PPP2R2B: variants seen among roughly 807,000 people sequenced by gnomAD.
PPP2R2B encodes the protein protein phosphatase 2 regulatory subunit Bbeta.
PPP2R2B carries 5 observed loss-of-function variants against 46.0 expected under a neutral mutation model. The ratio of observed to expected loss-of-function variants is 0.11; its 90% CI spans 0.06 to 0.23. The LOEUF (loss-of-function observed/expected upper bound fraction) is 0.23, where lower values mean the gene tolerates loss of function less well. PPP2R2B is among the 10% of genes least tolerant of loss of function. The probability of loss-of-function intolerance (pLI) is 1.00; values close to 1 mark genes in which losing one functional copy is unlikely to be tolerated. For synonymous variants in PPP2R2B, 215 were observed against 206.7 expected (o/e 1.04, Z -0.34); for missense variants, 367 against 575.0 (o/e 0.64, Z 3.70).
chr5:147,047,236 C>G (rs1756585870), intron 1 of PPP2R2B, among the ~76,000 whole-genome samples: 1 of 151,936 alleles, frequency 6.6e-6, no homozygotes, highest in Non-Finnish European at 1.5e-5. Context: ...GTGTTCTATA[C>G]CACTGTATGA....
intron 1 of PPP2R2B, among the ~76,000 whole-genome samples, chr5:146,967,765 C>G (rs906604240): frequency 1.3e-5 from 2 of 152,180 alleles, no homozygotes; most frequent in East Asian, 1.9e-4. Context: ...TCCTCCCTCC[C>G]GGTTTGCAGT....
At chr5:146,753,876 T>C (rs1361603932) in intron 2 of PPP2R2B, among the ~76,000 whole-genome samples, 2 of 152,200 alleles carry the variant, frequency 1.3e-5, no homozygotes, top group East Asian at 3.9e-4. Flanking sequence ...CAGGGGCAAC[T>C]TGTACCTGAA....
intron 1 of PPP2R2B, among the ~76,000 whole-genome samples, chr5:146,900,435 A>T (rs1762789138): frequency 6.6e-6 from 1 of 152,086 alleles, no homozygotes; most frequent in African/African-American, 2.4e-5. Context: ...ACATTATGTC[A>T]TTGTTGCTAC....
At chr5:146,999,539 C>T (rs1277394380) in intron 1 of PPP2R2B, among the ~76,000 whole-genome samples, 1 of 152,222 alleles carries the variant, frequency 6.6e-6, no homozygotes, top group Non-Finnish European at 1.5e-5. Flanking sequence ...AGGTGATTCT[C>T]ACATGCCACT....
intron 2 of PPP2R2B, among the ~76,000 whole-genome samples, chr5:147,065,315 G>C (rs1484030420): frequency 1.3e-5 from 2 of 152,146 alleles, no homozygotes; most frequent in Non-Finnish European, 2.9e-5. Context: ...CAGAAAAAGA[G>C]AGAGTGAAAA....
chr5:147,009,435 T>C (rs370870929), intron 1 of PPP2R2B, among the ~76,000 whole-genome samples: 79 of 152,286 alleles, frequency 5.2e-4, no homozygotes, highest in African/African-American at 1.8e-3. Context: ...TCATATTTCT[T>C]TGAAAGCAGA....
intron 5 of PPP2R2B, among the ~76,000 whole-genome samples, chr5:146,677,092 T>C (rs1777780968): frequency 6.6e-6 from 1 of 152,188 alleles, no homozygotes; most frequent in Non-Finnish European, 1.5e-5. Flanking sequence ...GTTTCCCTCA[T>C]AGGATGCTTT....
In PPP2R2B at chr5:146,583,105, C is replaced by T. The variant is rs1442095496; in HGVS notation, c.*6842G>A. The T allele has an allele frequency of 1.3e-5, 2 of 152,184 alleles. No homozygotes were observed. Among genetic ancestry groups the T allele is most frequent in the African/African-American group, 4.8e-5 (2 of 41,438 alleles). The allele number at this position is 152,184 out of a possible 1,614,324, so 9.4% of individuals were successfully genotyped here. Reference sequence around the variant, plus strand: ...TATAGCATATGCTGTTTTGCCTCCACTGTCCTATCCTGATGTCTGGAATAT... The same window carrying T: ...TATAGCATATGCTGTTTTGCCTCCATTGTCCTATCCTGATGTCTGGAATAT... On this transcript the variant is annotated 3_prime_UTR_variant, in exon 10 of 10. Transcript: ENST00000394411.
intron 2 of PPP2R2B, among the ~76,000 whole-genome samples, chr5:146,830,484 T>C (rs1232384572): frequency 6.6e-6 from 1 of 152,096 alleles, no homozygotes; most frequent in Non-Finnish European, 1.5e-5. Flanking sequence ...GCCACCTGCA[T>C]GTATCACATA....
intron 2 of PPP2R2B, among the ~76,000 whole-genome samples, chr5:146,806,891 A>T (rs1757211470): frequency 1.3e-5 from 2 of 152,240 alleles, no homozygotes; most frequent in Non-Finnish European, 2.9e-5. Flanking sequence ...AGCAGGCAAT[A>T]GGGGACCTTA....
At chr5:146,590,319 T>A in intron 9 of PPP2R2B, 93 bp from the exon 10 acceptor site, 2 of 1,343,558 alleles carry the variant, frequency 1.5e-6, no homozygotes, top group Non-Finnish European at 2.0e-6. Flanking sequence ...TATGACACCA[T>A]AGGTTTTATT....
chr5:146,931,984 G>C (rs1029050222), intron 1 of PPP2R2B, among the ~76,000 whole-genome samples: 1 of 152,134 alleles, frequency 6.6e-6, no homozygotes, highest in Non-Finnish European at 1.5e-5. Context: ...ATCCATGTCT[G>C]GTCATCAGCA....
intron 1 of PPP2R2B, among the ~76,000 whole-genome samples, chr5:146,960,611 A>G (rs1044213497): frequency 4.6e-5 from 7 of 152,174 alleles, no homozygotes; most frequent in South Asian, 2.1e-4. Context: ...ACAGAAGCAC[A>G]GTAATTAGAA....
At chr5:146,712,652 T>C (rs1780276860) in intron 2 of PPP2R2B, among the ~76,000 whole-genome samples, 1 of 152,194 alleles carries the variant, frequency 6.6e-6, no homozygotes, top group Non-Finnish European at 1.5e-5. Flanking sequence ...GTCACCCCAC[T>C]GATCACCAGG....
intron 2 of PPP2R2B, among the ~76,000 whole-genome samples, chr5:146,800,338 T>A (rs1414281700): frequency 6.6e-6 from 1 of 152,066 alleles, no homozygotes; most frequent in Non-Finnish European, 1.5e-5. Context: ...ATTGTAAGGA[T>A]CCCCGGGTAC....
intron 2 of PPP2R2B, among the ~76,000 whole-genome samples, chr5:146,820,504 T>G (rs569383794): frequency 6.6e-6 from 1 of 152,310 alleles, no homozygotes; most frequent in South Asian, 2.1e-4. Flanking sequence ...GAAAACCTCC[T>G]GTGTTCAGTG....
chr5:146,885,286 C>G (rs1341446488), intron 1 of PPP2R2B, among the ~76,000 whole-genome samples: 1 of 152,198 alleles, frequency 6.6e-6, no homozygotes, highest in Admixed American at 6.5e-5. Flanking sequence ...AACCCATGAT[C>G]TGTCTCTACA....
intron 7 of PPP2R2B, among the ~76,000 whole-genome samples, chr5:146,601,192 T>C (rs1166842266): frequency 6.6e-6 from 1 of 152,202 alleles, no homozygotes; most frequent in Non-Finnish European, 1.5e-5. Context: ...TTTATGAGCA[T>C]TTGAGTTGTT....
chr5:146,676,658 T>C (rs1018684289), intron 5 of PPP2R2B, among the ~76,000 whole-genome samples: 4 of 152,136 alleles, frequency 2.6e-5, no homozygotes, highest in African/African-American at 4.8e-5. Flanking sequence ...CCCATTACAC[T>C]GTCGGCTTTA....
Sources: allele counts gnomAD v4.1 joint callset (sites outside exome capture counted in the v4.1 genomes callset), GRCh38; gene constraint gnomAD v4.1.1; transcripts MANE v1.5; gene names NCBI Gene and HGNC (gene_info 2026-07-23, HGNC 2026-07-21).